SLC9A6: variants seen among roughly 807,000 people sequenced by gnomAD.
SLC9A6 encodes solute carrier family 9 member A6, also known as sodium/hydrogen exchanger 6.
SLC9A6 carries 6 observed loss-of-function variants against 45.3 expected under a neutral mutation model. That is an observed-to-expected ratio of 0.13 (90% CI 0.07 to 0.26). The LOEUF is 0.26. SLC9A6 is among the 10% of genes least tolerant of loss of function. SLC9A6 has a pLI of 1.00. For synonymous variants in SLC9A6, 191 were observed against 187.7 expected (o/e 1.02, Z -0.14); for missense variants, 278 against 503.7 (o/e 0.55, Z 4.29).
chrX:136,005,647 C>G (rs1556617879), intron 7 of SLC9A6, among the ~76,000 whole-genome samples: 1 of 102,958 alleles, frequency 9.7e-6, no homozygotes. Flanking sequence ...CGGCACTGCC[C>G]TCCAGCCTGA....
intron 7 of SLC9A6, chrX:136,010,085 CATT>C: frequency 4.8e-6 from 1 of 207,311 alleles, no homozygotes; most frequent in Non-Finnish European, 8.8e-6. Flanking sequence ...AGTTTGTTCA[CATT>C]AGTATGTTAA....
intron 3 of SLC9A6, among the ~76,000 whole-genome samples, chrX:135,997,048 G>GCA (rs2089513336): frequency 1.8e-5 from 2 of 109,667 alleles, no homozygotes; most frequent in Non-Finnish European, 3.8e-5. Context: ...TTACAGGCTT[G>GCA]AGCCACCACG....
At chrX:136,020,423 C>T (rs967570760) in intron 11 of SLC9A6, among the ~76,000 whole-genome samples, 1 of 111,770 alleles carries the variant, frequency 8.9e-6, no homozygotes, top group Non-Finnish European at 1.9e-5. Context: ...ATGATCTCAG[C>T]CTACTGCAAC....
Position 136,045,275 on chromosome X carries a change from G to A in SLC9A6, c.*551G>A, listed in dbSNP as rs1556623383. On this transcript the variant is annotated 3_prime_UTR_variant, in exon 18 of 18. Coordinates refer to ENST00000630721, the MANE Select transcript of SLC9A6 (RefSeq NM_001379110.1). ...TGGCATTTGATCTTGCCCCATTCAG[G>A]TTGGGGAGTGAAGTGTGAGGACCCT... is the stretch of plus-strand genomic sequence containing the variant. The A allele has an allele frequency of 1.7e-5, 2 of 116,436 alleles. No individual in the cohort carries two copies. The highest frequency in any genetic ancestry group is 3.6e-5 in the Non-Finnish European group (2 of 55,993). 9.6% of individuals were successfully genotyped at this position (116,436 alleles called of 1,213,427 possible).
At chrX:135,996,892 G>A (rs1399575507) in intron 3 of SLC9A6, among the ~76,000 whole-genome samples, 7 of 108,732 alleles carry the variant, frequency 6.4e-5, no homozygotes, top group South Asian at 8.0e-4. Flanking sequence ...TCAGCCTCCC[G>A]AGTAGCTGGG....
At chrX:136,025,606 TA>T (rs1180798511) in intron 13 of SLC9A6, among the ~76,000 whole-genome samples, 2 of 112,460 alleles carry the variant, frequency 1.8e-5, no homozygotes, top group East Asian at 5.5e-4. Context: ...AATGTTCTTA[TA>T]ACCTTAATTA....
intron 7 of SLC9A6, among the ~76,000 whole-genome samples, chrX:136,005,215 G>A (rs1347530756): frequency 8.9e-5 from 10 of 112,416 alleles, no homozygotes; most frequent in East Asian, 5.5e-4. Flanking sequence ...GTTGATTAGC[G>A]TTAGAGGAAA....
intron 15 of SLC9A6, 91 bp from the exon 16 acceptor site, chrX:136,033,323 T>C: frequency 1.9e-6 from 1 of 539,132 alleles, no homozygotes; most frequent in East Asian, 4.3e-5. Context: ...TATAATATAG[T>C]AGCCTCTATT....
At chrX:135,977,139 A>C (rs1376178460) in intron 1 of SLC9A6, among the ~76,000 whole-genome samples, 1 of 112,087 alleles carries the variant, frequency 8.9e-6, no homozygotes, top group African/African-American at 3.2e-5. Context: ...TGTTTTCATG[A>C]GCTCTTAGAA....
rs1486101383 is a variant in SLC9A6 at position 136,047,168 on chromosome X, G to A, written c.*2444G>A. On this transcript the variant is annotated 3_prime_UTR_variant, in exon 18 of 18. Coordinates refer to ENST00000630721, the MANE Select transcript of SLC9A6 (RefSeq NM_001379110.1). ...GAGTCACAGTTTATTTTAGTGAGAC[G>A]TAAAGAGTGCTGACTTCATTTATTT... 1 of 112,473 alleles carries A rather than the reference G, an allele frequency of 8.9e-6. No individual in the cohort carries two copies. The highest frequency in any genetic ancestry group is 3.2e-5 in the African/African-American group (1 of 30,838). The allele number at this position is 112,473 out of a possible 1,213,427, so 9.3% of individuals were successfully genotyped here. A position where few individuals can be genotyped will look rare whatever the true frequency, so the allele number is the denominator to read the frequency against.
intron 7 of SLC9A6, among the ~76,000 whole-genome samples, chrX:136,003,806 G>C (rs781948711): frequency 9.9e-5 from 11 of 111,622 alleles, no homozygotes; most frequent in Non-Finnish European, 1.5e-4. Flanking sequence ...TTATATTTTT[G>C]CTAACTTGAT....
At chrX:136,011,623 G>T (rs1311286032) in intron 8 of SLC9A6, among the ~76,000 whole-genome samples, 1 of 112,042 alleles carries the variant, frequency 8.9e-6, no homozygotes, top group Non-Finnish European at 1.9e-5. Context: ...GCTGTGCTCT[G>T]TGTATCAAAG....
intron 7 of SLC9A6, chrX:136,010,224 A>ACCC (rs376254654): frequency 2.9e-4 from 64 of 223,445 alleles, no homozygotes; most frequent in African/African-American, 1.6e-3. Context: ...ACAATGTTCT[A>ACCC]CCCCCCCCCC....
intron 15 of SLC9A6, chrX:136,030,604 T>C (rs1458174442): frequency 1.5e-5 from 2 of 137,305 alleles, no homozygotes; most frequent in African/African-American, 6.3e-5. Flanking sequence ...CTAGAAGCTT[T>C]TGAATCTTCA....
At chrX:136,029,975 A>G (rs1280784368) in intron 14 of SLC9A6, 157 bp from the exon 15 acceptor site, 93 of 510,880 alleles carry the variant, frequency 1.8e-4, no homozygotes, top group African/African-American at 2.3e-5. Context: ...AAGTGGCAGG[A>G]GCCAAAAATC....
intron 7 of SLC9A6, 149 bp downstream of exon 7, chrX:136,002,362 A>C (rs782598330): frequency 6.3e-6 from 3 of 473,421 alleles, no homozygotes; most frequent in Non-Finnish European, 1.1e-5. Flanking sequence ...CATATTTTAT[A>C]GATAAATTGG....
chrX:136,017,623 G>A (rs1783867143), intron 11 of SLC9A6, among the ~76,000 whole-genome samples: 1 of 111,457 alleles, frequency 9.0e-6, no homozygotes, highest in Non-Finnish European at 1.9e-5. Context: ...AGGCACATTT[G>A]TAAGATGGAG....
chrX:135,981,170 C>T (rs1271114057), upstream of SLC9A6, among the ~76,000 whole-genome samples: 5 of 111,725 alleles, frequency 4.5e-5, no homozygotes, highest in Non-Finnish European at 7.5e-5. Context: ...ACTCACAGTT[C>T]TGCAGGCTGT....
In SLC9A6 at chrX:135,991,561, C is replaced by T. The variant is rs561116517; in HGVS notation, c.170-3225C>T. Among the ~76,000 whole-genome samples the T allele has an allele frequency of 5.4e-5, 6 of 111,032 alleles. No individual in the cohort carries two copies. The South Asian group carries it at 2.3e-3, about 42-fold the overall frequency. ...GTGAGCCACTGCGCCCGGCTGGCAA[C>T]GACTGCTCTTATACCTCCTCATTTC... On this transcript the variant is annotated intron_variant, in intron 2 of 17. Transcript: ENST00000630721.
Sources: gnomAD v4.1 joint callset for allele counts (sites outside exome capture counted in the v4.1 genomes callset) on GRCh38, gnomAD v4.1.1 for gene constraint, MANE v1.5 for transcripts, NCBI Gene and HGNC (gene_info 2026-07-23, HGNC 2026-07-21) for gene names.